Variants in LINGO2 observed in about 807,000 individuals in gnomAD.
LINGO2 encodes the protein leucine rich repeat and Ig domain containing 2, also known as leucine-rich repeat and immunoglobulin-like domain-containing nogo receptor-interacting protein 2.
In LINGO2, 14 loss-of-function variants were observed where a neutral mutation model predicts 30.6. The ratio of observed to expected loss-of-function variants is 0.46; its 90% CI spans 0.30 to 0.72. LINGO2 has a LOEUF of 0.72. Ranked by LOEUF, LINGO2 falls within the 30% of genes least tolerant of loss-of-function variation. The probability of loss-of-function intolerance (pLI) is 0.07; values close to 1 mark genes in which losing one functional copy is unlikely to be tolerated. For missense variants in LINGO2, 729 were observed against 751.7 expected (o/e 0.97, Z 0.35); for synonymous variants, 317 against 288.5 (o/e 1.10, Z -1.00).
At chr9:28,337,655 C>T (rs1483991478) in intron 3 of LINGO2, among the ~76,000 whole-genome samples, 1 of 152,146 alleles carries the variant, frequency 6.6e-6, no homozygotes, top group Non-Finnish European at 1.5e-5. Flanking sequence ...TTCCCTGAGT[C>T]CCAGCTACTT....
chr9:28,729,843 A>C, the LINGO2 span, among the ~76,000 whole-genome samples: 1 of 152,136 alleles, frequency 6.6e-6, no homozygotes, highest in South Asian at 2.1e-4. Context: ...CAAAGAGATG[A>C]CTAGGGGTCC....
At chr9:29,029,105 G>C in the LINGO2 span, among the ~76,000 whole-genome samples, 2 of 152,070 alleles carry the variant, frequency 1.3e-5, no homozygotes, top group Non-Finnish European at 1.5e-5. Context: ...AAGTAAACAA[G>C]AGGATTTAAC....
chr9:28,041,897 G>T (rs1002165739), intron 4 of LINGO2, among the ~76,000 whole-genome samples: 40 of 152,280 alleles, frequency 2.6e-4, no homozygotes, highest in African/African-American at 9.6e-4. Flanking sequence ...ACTTTAGCAT[G>T]ATCTTTGCAG....
chr9:28,004,295 T>G (rs777277542), intron 5 of LINGO2, among the ~76,000 whole-genome samples: 44 of 152,056 alleles, frequency 2.9e-4, no homozygotes, highest in Non-Finnish European at 5.7e-4. Context: ...TTATTTAAAT[T>G]TAATGTATAT....
chr9:29,022,373 G>A, the LINGO2 span, among the ~76,000 whole-genome samples: 1 of 152,104 alleles, frequency 6.6e-6, no homozygotes. Flanking sequence ...GCAGAATGGT[G>A]GGCTGCTTCT....
At chr9:28,528,180 AACAGAG>A (rs1467914922) in intron 1 of LINGO2, among the ~76,000 whole-genome samples, 7 of 152,170 alleles carry the variant, frequency 4.6e-5, no homozygotes, top group African/African-American at 1.7e-4. Context: ...ATTTTCACAA[AACAGAG>A]ACAAGTTCTG....
intron 4 of LINGO2, among the ~76,000 whole-genome samples, chr9:28,077,622 C>G (rs1164175692): frequency 7.4e-6 from 1 of 135,090 alleles, no homozygotes. Context: ...AAGGCAATTG[C>G]AATGCAAGTA....
chr9:28,516,701 CAGT>C (rs1175965991), intron 1 of LINGO2, among the ~76,000 whole-genome samples: 1 of 152,176 alleles, frequency 6.6e-6, no homozygotes, highest in Non-Finnish European at 1.5e-5. Flanking sequence ...GCTGTTGTTG[CAGT>C]GTTACTGACA....
chr9:28,469,195 C>A (rs1825426286), intron 2 of LINGO2, among the ~76,000 whole-genome samples: 1 of 151,004 alleles, frequency 6.6e-6, no homozygotes, highest in South Asian at 2.1e-4. Context: ...TCAACAGCAA[C>A]CTTGAACAAG....
chr9:29,190,862 A>T, the LINGO2 span, among the ~76,000 whole-genome samples: 4 of 152,196 alleles, frequency 2.6e-5, no homozygotes, highest in Non-Finnish European at 5.9e-5. Flanking sequence ...CCAGTTTTTT[A>T]AATATGATGT....
intron 3 of LINGO2, among the ~76,000 whole-genome samples, chr9:28,356,325 T>A (rs1290762438): frequency 6.6e-6 from 1 of 152,124 alleles, no homozygotes; most frequent in Non-Finnish European, 1.5e-5. Flanking sequence ...AGACATGACC[T>A]CCTAGGTTTG....
the LINGO2 span, among the ~76,000 whole-genome samples, chr9:29,192,911 G>C: frequency 6.6e-6 from 1 of 152,146 alleles, no homozygotes; most frequent in African/African-American, 2.4e-5. Flanking sequence ...CAAACTATGC[G>C]GTGCCCCATT....
chr9:28,401,817 T>C (rs954276954), intron 2 of LINGO2, among the ~76,000 whole-genome samples: 1 of 152,170 alleles, frequency 6.6e-6, no homozygotes, highest in African/African-American at 2.4e-5. Context: ...GATTTTGCAA[T>C]AATTGCCATT....
At chr9:29,179,872 T>G in the LINGO2 span, among the ~76,000 whole-genome samples, 2 of 152,228 alleles carry the variant, frequency 1.3e-5, no homozygotes, top group African/African-American at 4.8e-5. Context: ...CACATTATAT[T>G]TTCAAGTCAT....
intron 3 of LINGO2, among the ~76,000 whole-genome samples, chr9:28,361,278 T>A (rs1820430245): frequency 6.6e-6 from 1 of 152,176 alleles, no homozygotes; most frequent in Admixed American, 6.5e-5. Flanking sequence ...TAATTATTAG[T>A]TATTGTTGTT....
chr9:28,176,937 G>T (rs1386049928), intron 4 of LINGO2, among the ~76,000 whole-genome samples: 1 of 152,020 alleles, frequency 6.6e-6, no homozygotes, highest in Non-Finnish European at 1.5e-5. Flanking sequence ...ATGACTTAAG[G>T]TATGGCTTTG....
At chr9:28,312,307 A>G (rs1378335046) in intron 3 of LINGO2, among the ~76,000 whole-genome samples, 1 of 151,980 alleles carries the variant, frequency 6.6e-6, no homozygotes, top group East Asian at 1.9e-4. Flanking sequence ...AATTTTTTTA[A>G]ATTTTTATTT....
Position 27,981,560 on chromosome 9 carries a change from GAAAAAAAAAGA to G in LINGO2, c.-36+30784_-36+30794del, listed in dbSNP as rs1385335114. The stretch of plus-strand genomic sequence containing the variant: ...AAAAAAAAAAAAAAAAGAAAAAAAA[GAAAAAAAAAGA>G]AAAAAAAAAGAAAAAAAATTTCCTA... On this transcript the variant is annotated intron_variant, in intron 5 of 5. Transcript: ENST00000379992. 8.3e-3 allele frequency among the ~76,000 whole-genome samples: 724 copies of G among 87,272 alleles called. 22 individuals are homozygous for G. Among genetic ancestry groups the G allele is most frequent in the African/African-American group, 0.03 (687 of 23,080 alleles). The allele number at this position is 87,272 out of a possible 152,430, so 57.3% of individuals were successfully genotyped here.
the LINGO2 span, among the ~76,000 whole-genome samples, chr9:28,970,615 G>T: frequency 4.6e-5 from 7 of 152,088 alleles, no homozygotes; most frequent in African/African-American, 1.7e-4. Flanking sequence ...ACTCTGGGCC[G>T]TGTTGTTAGA....
Sources: gnomAD v4.1 joint callset for allele counts (sites outside exome capture counted in the v4.1 genomes callset) on GRCh38, gnomAD v4.1.1 for gene constraint, MANE v1.5 for transcripts, NCBI Gene and HGNC (gene_info 2026-07-23, HGNC 2026-07-21) for gene names.